The following CNTN5 variants were observed in gnomAD, a reference collection of about 807,000 sequenced individuals.
CNTN5 encodes contactin-5.
Under a neutral mutation model 129.1 loss-of-function variants are expected in CNTN5, and 77 were observed. That is an observed-to-expected ratio of 0.60 (90% CI 0.50 to 0.72). The LOEUF (loss-of-function observed/expected upper bound fraction) is 0.72, where lower values mean the gene tolerates loss of function less well. CNTN5 is among the 30% of genes least tolerant of loss of function. CNTN5 has a pLI of 0.00. For missense variants in CNTN5, 1,478 were observed against 1,328.8 expected, an observed-to-expected ratio of 1.11 and a Z score of -1.75; for synonymous variants, 509 against 465.6, an observed-to-expected ratio of 1.09 and a Z score of -1.20.
intron 1 of CNTN5, among the ~76,000 whole-genome samples, chr11:99,090,866 C>CA (rs1458198404): frequency 2.6e-5 from 4 of 151,356 alleles, no homozygotes; most frequent in Non-Finnish European, 5.9e-5. Flanking sequence ...ACTAAAAATA[C>CA]AAAAAATTAG....
intron 3 of CNTN5, among the ~76,000 whole-genome samples, chr11:99,811,513 G>A (rs1222432826): frequency 2.0e-5 from 3 of 147,468 alleles, no homozygotes; most frequent in Non-Finnish European, 4.5e-5. Context: ...TTAATATTTT[G>A]TTAATATTAT....
At chr11:99,380,630 G>A (rs778329152) in intron 2 of CNTN5, among the ~76,000 whole-genome samples, 15 of 151,802 alleles carry the variant, frequency 9.9e-5, no homozygotes, top group East Asian at 5.8e-4. Context: ...TTAGCTGGGC[G>A]TTGTGGTGTG....
chr11:99,682,093 A>G (rs989103471), intron 3 of CNTN5, among the ~76,000 whole-genome samples: 2 of 152,082 alleles, frequency 1.3e-5, no homozygotes, highest in African/African-American at 2.4e-5. Context: ...GGAACATTAT[A>G]TACACAAATT....
At chr11:100,035,419 C>T (rs1402631649) in intron 9 of CNTN5, among the ~76,000 whole-genome samples, 11 of 145,650 alleles carry the variant, frequency 7.6e-5, no homozygotes, top group East Asian at 2.0e-4. Context: ...TGAATAGTGC[C>T]GCAATAAACA....
At chr11:99,344,506 T>C (rs1464475361) in intron 2 of CNTN5, among the ~76,000 whole-genome samples, 1 of 152,210 alleles carries the variant, frequency 6.6e-6, no homozygotes, top group African/African-American at 2.4e-5. Flanking sequence ...TTTTATTACA[T>C]TAAGATATCC....
chr11:99,396,183 G>GTT (rs5793987), intron 2 of CNTN5, among the ~76,000 whole-genome samples: 7 of 151,364 alleles, frequency 4.6e-5, no homozygotes, highest in Non-Finnish European at 8.9e-5. Flanking sequence ...ATCATGGAAT[G>GTT]TTTTTTTCAT....
chr11:99,815,075 C>T (rs1237378744), intron 3 of CNTN5, among the ~76,000 whole-genome samples: 1 of 152,104 alleles, frequency 6.6e-6, no homozygotes, highest in African/African-American at 2.4e-5. Flanking sequence ...CGTTTGGTTT[C>T]TGCCTTCACA....
chr11:99,535,096 C>T (rs368855148), intron 2 of CNTN5, among the ~76,000 whole-genome samples: 16 of 152,032 alleles, frequency 1.1e-4, no homozygotes, highest in African/African-American at 2.7e-4. Context: ...ATGCTGAAGC[C>T]GTTAAAGGAA....
At chr11:99,997,680 A>C (rs1291230902) in intron 8 of CNTN5, among the ~76,000 whole-genome samples, 2 of 152,074 alleles carry the variant, frequency 1.3e-5, no homozygotes, top group Non-Finnish European at 2.9e-5. Context: ...CCTGAGACCA[A>C]AGCCGGGCAG....
chr11:100,111,071 T>C lies in CNTN5; in HGVS notation c.1580+36777T>C, dbSNP rs1317383416. On this transcript the variant is annotated intron_variant, in intron 13 of 24. Transcript: ENST00000524871. ...AAATTTTTCTGTACCAGAACATGTT[T>C]ATATAGGTTTACCAAGGGAAAGAGA... Among the ~76,000 whole-genome samples, 4 of 152,224 alleles carry C rather than the reference T, an allele frequency of 2.6e-5. No individual in the cohort carries two copies. The East Asian group carries it at 7.7e-4, about 29-fold the overall frequency.
chr11:99,777,274 C>A (rs1191064485), intron 3 of CNTN5, among the ~76,000 whole-genome samples: 1 of 151,756 alleles, frequency 6.6e-6, no homozygotes, highest in Non-Finnish European at 1.5e-5. Context: ...TGACATGCTG[C>A]CCATGGATAT....
intron 3 of CNTN5, among the ~76,000 whole-genome samples, chr11:99,611,536 T>C (rs957089470): frequency 1.3e-5 from 2 of 152,192 alleles, no homozygotes; most frequent in African/African-American, 4.8e-5. Context: ...ATAGAGTCTG[T>C]GGTTGAGTAA....
chr11:99,923,083 C>A (rs796648651), intron 7 of CNTN5, among the ~76,000 whole-genome samples: 42 of 152,256 alleles, frequency 2.8e-4, no homozygotes, highest in African/African-American at 9.6e-4. Context: ...GCCCACAGAT[C>A]CATTTTCTTA....
intron 13 of CNTN5, among the ~76,000 whole-genome samples, chr11:100,099,904 G>A (rs1408138579): frequency 2.6e-5 from 4 of 151,974 alleles, no homozygotes; most frequent in Non-Finnish European, 5.9e-5. Flanking sequence ...TAGGCACTCT[G>A]TCATTTCTTT....
intron 1 of CNTN5, among the ~76,000 whole-genome samples, chr11:99,155,766 T>C (rs1860305249): frequency 6.6e-6 from 1 of 151,922 alleles, no homozygotes; most frequent in African/African-American, 2.4e-5. Context: ...AATAAAGAAA[T>C]ATGTCAACTG....
intron 18 of CNTN5, among the ~76,000 whole-genome samples, chr11:100,283,065 C>T (rs556811730): frequency 3.3e-5 from 5 of 151,922 alleles, no homozygotes; most frequent in Non-Finnish European, 5.9e-5. Context: ...CAAGAGCCCT[C>T]TTAGTTCTCT....
intron 3 of CNTN5, among the ~76,000 whole-genome samples, chr11:99,612,321 C>T (rs1033096073): frequency 4.6e-5 from 7 of 152,136 alleles, no homozygotes; most frequent in African/African-American, 1.4e-4. Flanking sequence ...GTCAGATGCA[C>T]CTGCTTGAAA....
chr11:99,817,545 A>G (rs187386733), intron 3 of CNTN5, among the ~76,000 whole-genome samples: 4 of 150,736 alleles, frequency 2.7e-5, no homozygotes, highest in East Asian at 3.9e-4. Context: ...TTTAAGAACT[A>G]TAAACCACAT....
At chr11:99,368,102 A>G (rs1939570690) in intron 2 of CNTN5, among the ~76,000 whole-genome samples, 1 of 152,304 alleles carries the variant, frequency 6.6e-6, no homozygotes, top group Admixed American at 6.5e-5. Context: ...ACAATCCTTG[A>G]AAAAACTGGA....
Sources: allele counts gnomAD v4.1 joint callset (sites outside exome capture counted in the v4.1 genomes callset), GRCh38; gene constraint gnomAD v4.1.1; transcripts MANE v1.5; gene names NCBI Gene and HGNC (gene_info 2026-07-23, HGNC 2026-07-21).